Variants in QRICH2 observed in about 807,000 individuals in gnomAD.
QRICH2 encodes glutamine rich 2.
Under a neutral mutation model 168.3 loss-of-function variants are expected in QRICH2, and 119 were observed. That is an observed-to-expected ratio of 0.71 (90% CI 0.61 to 0.82). QRICH2 has a LOEUF of 0.82. QRICH2 is among the 40% of genes least tolerant of loss of function. The pLI, the probability that QRICH2 is intolerant of heterozygous loss-of-function variation, is 0.00. For missense variants in QRICH2, 2,241 were observed against 2,491.6 expected (o/e 0.90, Z 2.14); for synonymous variants, 894 against 951.2 (o/e 0.94, Z 1.11).
upstream of QRICH2, chr17:76,310,012 A>C (rs991996236): frequency 2.7e-5 from 4 of 149,744 alleles, no homozygotes; most frequent in Non-Finnish European, 5.9e-5. Flanking sequence ...TTGAGATGGA[A>C]TCTTGCTCTG....
intron 3 of QRICH2, among the ~76,000 whole-genome samples, chr17:76,296,100 G>C (rs2070788477): frequency 6.6e-6 from 1 of 152,160 alleles, no homozygotes; most frequent in Admixed American, 6.5e-5. Flanking sequence ...GCACATGCCT[G>C]TAATCCCAGC....
intron 3 of QRICH2, among the ~76,000 whole-genome samples, chr17:76,294,314 C>T (rs1168267911): frequency 6.6e-6 from 1 of 152,058 alleles, no homozygotes; most frequent in African/African-American, 2.4e-5. Context: ...ATCTCAGCTA[C>T]TCAGGAAGCT....
At chr17:76,297,253 T>C (rs968787674) in intron 3 of QRICH2, among the ~76,000 whole-genome samples, 11 of 152,124 alleles carry the variant, frequency 7.2e-5, no homozygotes, top group Admixed American at 2.6e-4. Flanking sequence ...ACACCGGTAA[T>C]CCCAACACTT....
At chr17:76,309,119 AG>A (rs2071035868), upstream of QRICH2, among the ~76,000 whole-genome samples, 1 of 143,994 alleles carries the variant, frequency 6.9e-6, no homozygotes, top group Non-Finnish European at 1.5e-5. Flanking sequence ...GCACTTTGGG[AG>A]GCCGAGGCGG....
At chr17:76,279,502 G>A (rs1397430958) in intron 12 of QRICH2, 74 bp from the exon 13 acceptor site, 1 of 1,180,024 alleles carries the variant, frequency 8.5e-7, no homozygotes, top group African/African-American at 1.5e-5. Flanking sequence ...GGCTCTGCAG[G>A]CCCCTGGAAG....
rs1403563155 is a variant in QRICH2 at position 76,277,160 on chromosome 17, G to A, written c.5265+3C>T. ...CCCTGGTGGCTCCAGGCAGGGCCCT[G>A]ACCTTCATGGCAATCTGGATCTCTT... On this transcript the variant is annotated splice_donor_region_variant and intron_variant, in intron 16 of 18. Coordinates refer to ENST00000680821, the MANE Select transcript of QRICH2 (RefSeq NM_001388453.1). The A allele has an allele frequency of 3.2e-6, 5 of 1,569,322 alleles. No homozygotes were observed. The highest frequency in any genetic ancestry group is 2.3e-5 in the East Asian group (1 of 42,784).
In QRICH2 at chr17:76,281,534, C is replaced by T. The variant is rs574153295; in HGVS notation, c.4263+330G>A. On this transcript the variant is annotated intron_variant, in intron 8 of 18. Transcript: ENST00000680821. This position sits in a 1 kb window ranked among gnomAD's most constrained non-coding sequence, Gnocchi z 4.4. The stretch of plus-strand genomic sequence containing the variant: ...GAGAAGGGGTTGGAAGACTCGCGTG[C>T]CAGGGAGTCAACATCTCCTACAGTT... 1.3e-5 allele frequency among the ~76,000 whole-genome samples: 2 copies of T among 152,316 alleles called. No individual in the cohort carries two copies. Among genetic ancestry groups the T allele is most frequent in the East Asian group, 3.9e-4 (2 of 5,176 alleles).
At chr17:76,309,990 C>CTTTTTTT (rs202223634), upstream of QRICH2, 1 of 144,772 alleles carries the variant, frequency 6.9e-6, no homozygotes, top group African/African-American at 2.5e-5. Context: ...TCTTTGCAGT[C>CTTTTTTT]TTTTTTTTTT....
chr17:76,277,437 A>T (rs1229924234), intron 15 of QRICH2, 127 bp from the exon 16 acceptor site: 2 of 1,150,390 alleles, frequency 1.7e-6, no homozygotes, highest in Non-Finnish European at 2.5e-6. Flanking sequence ...CGGGAGGCTG[A>T]GCAGCAGGGG....
At chr17:76,295,480 C>T (rs1261666552) in intron 3 of QRICH2, among the ~76,000 whole-genome samples, 1 of 151,926 alleles carries the variant, frequency 6.6e-6, no homozygotes, top group East Asian at 1.9e-4. Flanking sequence ...CATGGTGAAA[C>T]CTGGTCTCTA....
In QRICH2 at chr17:76,281,940, C is replaced by A. The variant is rs368995679; in HGVS notation, c.4187G>T (p.Arg1396Leu). 70 of 1,613,748 alleles carry A rather than the reference C, an allele frequency of 4.3e-5. No individual in the cohort carries two copies. Among genetic ancestry groups the A allele is most frequent in the Non-Finnish European group, 5.8e-5 (68 of 1,180,034 alleles). Residue 1396 changes from arginine (R) to leucine (L), a missense_variant, in exon 8 of 19, where the codon CGC becomes CTC. Physicochemically the swap from Arg to Leu is moderately radical, Grantham distance 102 (BLOSUM62 -2). Coordinates refer to ENST00000680821, the MANE Select transcript of QRICH2 (RefSeq NM_001388453.1). This position sits in a 1 kb window ranked among gnomAD's most constrained non-coding sequence, Gnocchi z 4.4. Reference protein sequence around the residue: ...VSHQVSTLVRRYEQLQDMVNS... With the variant: ...VSHQVSTLVRLYEQLQDMVNS... ...GACCATGTCTTGGAGTTGCTCATAG[C>A]GCCGCACCAGCGTGCTGACCTGATG...
At chr17:76,276,065 G>A (rs1285451816) in intron 17 of QRICH2, 118 bp from the exon 18 acceptor site, 4 of 1,227,312 alleles carry the variant, frequency 3.3e-6, no homozygotes, top group African/African-American at 1.5e-5. Flanking sequence ...TCAGCTGAGT[G>A]GGGTCCTCGT....
intron 3 of QRICH2, among the ~76,000 whole-genome samples, chr17:76,298,201 T>TTTTTTG (rs2070834151): frequency 7.0e-6 from 1 of 142,468 alleles, no homozygotes; most frequent in African/African-American, 2.6e-5. Context: ...TTTTTTTTTT[T>TTTTTTG]GAGACGGAGT....
chr17:76,307,078 G>T lies in QRICH2; in HGVS notation c.534+387C>A. On this transcript the variant is annotated intron_variant, in intron 1 of 18. Coordinates refer to ENST00000680821, the MANE Select transcript of QRICH2 (RefSeq NM_001388453.1). This position sits in a 1 kb window ranked among gnomAD's most constrained non-coding sequence, Gnocchi z 5.3. Reference sequence around the variant, plus strand: ...TCTAAGAATCTTCTGAGAAGTTGCCGGCCCCACTCTGAGCCAGCTCTGGGT... The same window carrying T: ...TCTAAGAATCTTCTGAGAAGTTGCCTGCCCCACTCTGAGCCAGCTCTGGGT... Among the ~76,000 whole-genome samples the T allele has an allele frequency of 6.6e-6, 1 of 151,922 alleles. No individual in the cohort carries two copies. Among genetic ancestry groups the T allele is most frequent in the Non-Finnish European group, 1.5e-5 (1 of 67,996 alleles).
Position 76,307,795 on chromosome 17 carries a change from G to A in QRICH2, c.204C>T (p.Phe68=). ...SRSLQSVRSS[F]SIPHLPAPKE... ...TGGGCGCGGGCAGGTGCGGGATGCT[G>A]AACGAGCTCCGGACGGACTGCAGCG... The change falls in exon 1 of 19, where the codon TTC becomes TTT. Residue 68 remains phenylalanine, a synonymous_variant. Transcript: ENST00000680821. The surrounding 1 kb of genome is among the most constrained non-coding windows in gnomAD (Gnocchi z 5.3). The A allele has an allele frequency of 7.3e-7, 1 of 1,368,376 alleles. No individual in the cohort carries two copies. The highest frequency in any genetic ancestry group is 9.4e-7 in the Non-Finnish European group (1 of 1,064,838). 84.8% of individuals were successfully genotyped at this position (1,368,376 alleles called of 1,614,324 possible).
upstream of QRICH2, chr17:76,308,405 A>C (rs906075579): frequency 1.7e-4 from 164 of 984,978 alleles, no homozygotes; most frequent in Non-Finnish European, 1.9e-4. Context: ...CGGGCTGAGG[A>C]GGCCTCCTAA....
Position 76,280,379 on chromosome 17 carries a change from G to T in QRICH2, c.4534C>A (p.His1512Asn). 6.2e-7 allele frequency: 1 copy of T among 1,614,188 alleles called. No individual in the cohort carries two copies. The highest frequency in any genetic ancestry group is 8.5e-7 in the Non-Finnish European group (1 of 1,180,036). ...QFDATTEQLN[H>N]MMQELVAKMS... ...TTGGCCACCAGCTCCTGCATCATGT[G>T]GTTCAGCTGCTCCGTGGTGGCATCA... Residue 1512 changes from histidine (H) to asparagine (N), a missense_variant, in exon 11 of 19, where the codon CAC (histidine) becomes AAC (asparagine). By Grantham distance (68) the His-to-Asn change is moderately conservative. This residue lies in a region of QRICH2 where 2,047 missense variants were observed against 2,303.8 expected (regional missense o/e 0.89). Coordinates refer to ENST00000680821, the MANE Select transcript of QRICH2 (RefSeq NM_001388453.1). This position sits in a 1 kb window ranked among gnomAD's most constrained non-coding sequence, Gnocchi z 7.4.
At chr17:76,308,419 C>G, upstream of QRICH2, 1 of 985,394 alleles carries the variant, frequency 1.0e-6, no homozygotes, top group Non-Finnish European at 1.2e-6. Context: ...CTCCTAAGAT[C>G]CAGCTAGACT....
chr17:76,276,698 C>A lies in QRICH2; in HGVS notation c.5335G>T (p.Gly1779Cys), dbSNP rs1274074879. 30 of 1,613,766 alleles carry A rather than the reference C, an allele frequency of 1.9e-5. No individual in the cohort carries two copies. Among genetic ancestry groups the A allele is most frequent in the Non-Finnish European group, 2.3e-5 (27 of 1,179,974 alleles). Residue 1779 changes from glycine to cysteine, a missense_variant, in exon 17 of 19, where the codon GGC becomes TGC. Physicochemically the swap from Gly to Cys is radical, Grantham distance 159. This residue lies in a region of QRICH2 where 189 missense variants were observed against 169.3 expected (regional missense o/e 1.12). Coordinates refer to ENST00000680821, the MANE Select transcript of QRICH2 (RefSeq NM_001388453.1). ...CACTCACTGTCTTTTCGGAGGATGC[C>A]TGGCAGCCTTGTGTCCATCCGTCCC... Reference protein sequence around the residue: ...YKGRMDTRLPGILRKDSSGTS... With the variant: ...YKGRMDTRLPCILRKDSSGTS...
Sources: gnomAD v4.1 joint callset for allele counts (sites outside exome capture counted in the v4.1 genomes callset) on GRCh38, gnomAD v4.1.1 for gene constraint, gnomAD v4.1.1 regional missense constraint, Gnocchi (gnomAD v3.1) non-coding constraint, MANE v1.5 for transcripts, NCBI Gene and HGNC (gene_info 2026-07-23, HGNC 2026-07-21) for gene names.